SHANK2: variants seen among roughly 807,000 people sequenced by gnomAD.
SHANK2 encodes SH3 and multiple ankyrin repeat domains protein 2.
In SHANK2, 43 loss-of-function variants were observed where a neutral mutation model predicts 133.7. The observed-to-expected ratio is 0.32, with a 90% confidence interval of 0.25 to 0.41. The LOEUF (loss-of-function observed/expected upper bound fraction) is 0.41. Ranked by LOEUF, SHANK2 falls within the 10% of genes least tolerant of loss-of-function variation. The probability of loss-of-function intolerance (pLI) is 1.00; values close to 1 mark genes in which losing one functional copy is unlikely to be tolerated. For synonymous variants in SHANK2, 1,017 were observed against 952.8 expected (o/e 1.07, Z -1.24); for missense variants, 1,994 against 2,235.8 (o/e 0.89, Z 2.18).
intron 11 of SHANK2, chr11:70,895,272 G>A (rs1175252247): frequency 2.6e-5 from 4 of 152,650 alleles, no homozygotes; most frequent in East Asian, 1.9e-4. Context: ...GTAAAGCCTC[G>A]ACAGCCAAAC....
intron 17 of SHANK2, among the ~76,000 whole-genome samples, chr11:70,613,455 G>A (rs191923574): frequency 7.7e-4 from 117 of 152,176 alleles, no homozygotes; most frequent in African/African-American, 2.6e-3. Flanking sequence ...CGCCCACCTC[G>A]GCCTCCCAAA....
At chr11:70,819,114 C>T (rs1555055156) in intron 12 of SHANK2, among the ~76,000 whole-genome samples, 2 of 152,168 alleles carry the variant, frequency 1.3e-5, no homozygotes, top group Admixed American at 6.5e-5. Flanking sequence ...AGGATGGGGG[C>T]GAGGGTCAGG....
intron 10 of SHANK2, among the ~76,000 whole-genome samples, chr11:70,949,239 C>T (rs1448086498): frequency 1.3e-5 from 2 of 152,246 alleles, no homozygotes; most frequent in Non-Finnish European, 2.9e-5. Context: ...CTGCAAGAGC[C>T]TCAGTACCGC....
chr11:71,068,838 C>T (rs1041593229), intron 9 of SHANK2, among the ~76,000 whole-genome samples: 2 of 152,140 alleles, frequency 1.3e-5, no homozygotes, highest in Non-Finnish European at 2.9e-5. Context: ...TCATCAGCAC[C>T]ATCGCTGTCA....
rs1458761261 is a variant in SHANK2 at position 70,830,351 on chromosome 11, G to T, written c.1175-9669C>A. On this transcript the variant is annotated intron_variant, in intron 11 of 25. Coordinates refer to ENST00000601538, the MANE Select transcript of SHANK2 (RefSeq NM_012309.5). The surrounding 1 kb of genome is among the most constrained non-coding windows in gnomAD (Gnocchi z 4.4). ...CAAATGTTCCGTGTGAGTGTTTGGG[G>T]TCCGGGCCCTCCCAGAAATCCACAC... 6.6e-6 allele frequency among the ~76,000 whole-genome samples: 1 copy of T among 152,192 alleles called. No individual in the cohort carries two copies. The highest frequency in any genetic ancestry group is 2.4e-5 in the African/African-American group (1 of 41,434).
intron 2 of SHANK2, among the ~76,000 whole-genome samples, chr11:71,211,642 C>CAAA (rs35529960): frequency 5.1e-5 from 6 of 117,994 alleles, no homozygotes; most frequent in Non-Finnish European, 7.5e-5. Flanking sequence ...TGAGCATTTG[C>CAAA]AAAAAAAAAA....
At chr11:71,134,873 C>T (rs1952407951) in intron 3 of SHANK2, among the ~76,000 whole-genome samples, 1 of 152,030 alleles carries the variant, frequency 6.6e-6, no homozygotes, top group Non-Finnish European at 1.5e-5. Context: ...ACCTGGAGCC[C>T]CCATCTCTTC....
chr11:70,795,142 T>A (rs960474340), intron 14 of SHANK2, among the ~76,000 whole-genome samples: 1 of 152,100 alleles, frequency 6.6e-6, no homozygotes. Flanking sequence ...CAGAGATGCC[T>A]TCCTTCCCTG....
chr11:70,641,370 G>C (rs1330234481), intron 17 of SHANK2, among the ~76,000 whole-genome samples: 1 of 152,150 alleles, frequency 6.6e-6, no homozygotes, highest in Non-Finnish European at 1.5e-5. Flanking sequence ...TGGGATTACA[G>C]GCATAAGCCA....
intron 3 of SHANK2, among the ~76,000 whole-genome samples, chr11:71,141,205 A>G (rs1420917653): frequency 6.6e-6 from 1 of 152,164 alleles, no homozygotes; most frequent in Non-Finnish European, 1.5e-5. Flanking sequence ...TTATCCTTCA[A>G]CAAAGATGCT....
rs2058791097 is a variant in SHANK2, at chr11:70,485,611, G to C, written c.4682C>G (p.Ala1561Gly). The C allele has an allele frequency of 2.5e-6, 4 of 1,613,900 alleles. No individual in the cohort carries two copies. Among genetic ancestry groups the C allele is most frequent in the Non-Finnish European group, 3.4e-6 (4 of 1,180,048 alleles). ...KMKPIIHKSN[A>G]LYQDALVEED... The stretch of plus-strand genomic sequence containing the variant: ...TTCCACGAGCGCGTCTTGATAAAGT[G>C]CATTGCTTTTGTGAATGATGGGCTT... Residue 1561 changes from alanine (A) to glycine (G), a missense_variant, in exon 25 of 26, where the codon GCA (alanine) becomes GGA (glycine). Ala to Gly is a moderately conservative substitution (Grantham distance 60, BLOSUM62 0). Transcript: ENST00000601538. This position sits in a 1 kb window ranked among gnomAD's most constrained non-coding sequence, Gnocchi z 5.8.
At chr11:70,901,697 C>T (rs56748833) in intron 10 of SHANK2, among the ~76,000 whole-genome samples, 1 of 152,154 alleles carries the variant, frequency 6.6e-6, no homozygotes, top group Non-Finnish European at 1.5e-5. Flanking sequence ...CCCTTACCCC[C>T]ACAGGATGTA....
chr11:70,919,238 G>A (rs561199300), intron 10 of SHANK2, among the ~76,000 whole-genome samples: 298 of 152,246 alleles, frequency 2.0e-3, no homozygotes, highest in South Asian at 0.017. Flanking sequence ...TGATGAACAC[G>A]CACACCGCCT....
At chr11:70,643,446 C>T (rs1397037230) in intron 17 of SHANK2, among the ~76,000 whole-genome samples, 1 of 151,900 alleles carries the variant, frequency 6.6e-6, no homozygotes, top group Non-Finnish European at 1.5e-5. Flanking sequence ...TGCCTGTAGT[C>T]CCAGCTCCTC....
rs537939281 is a variant in SHANK2, at chr11:70,513,887, G to A, written c.2062-10956C>T. Among the ~76,000 whole-genome samples the A allele has an allele frequency of 5.9e-5, 9 of 152,148 alleles. No homozygotes were observed. In the South Asian group the frequency reaches 1.0e-3, roughly 18 times the overall value. ...TAAGGATCAAAAGGTCTAACATAAC[G>A]TGAACGAGAGTCTCAGAAGGGGGGA... is the stretch of plus-strand genomic sequence containing the variant. On this transcript the variant is annotated intron_variant, in intron 17 of 25. Transcript: ENST00000601538.
chr11:70,486,048 C>T lies in SHANK2; in HGVS notation c.4245G>A (p.Leu1415=). ...FIFTEPLPPP[L]EFANSFDIPD... is the part of the protein sequence containing the mutation. ...GGATATCAAAACTATTTGCAAATTCCAGGGGAGGAGGCAATGGCTCTGTAA... is the reference window on the plus strand; with the variant it reads ...GGATATCAAAACTATTTGCAAATTCTAGGGGAGGAGGCAATGGCTCTGTAA... Residue 1415 remains leucine, a synonymous_variant, in exon 25 of 26, where the codon CTG becomes CTA. Coordinates refer to ENST00000601538, the MANE Select transcript of SHANK2 (RefSeq NM_012309.5). The surrounding 1 kb of genome is among the most constrained non-coding windows in gnomAD (Gnocchi z 8.0). The T allele has an allele frequency of 6.2e-7, 1 of 1,613,992 alleles. No individual in the cohort carries two copies. Among genetic ancestry groups the T allele is most frequent in the Non-Finnish European group, 8.5e-7 (1 of 1,180,012 alleles).
chr11:70,547,954 A>G (rs1366077202), intron 17 of SHANK2, among the ~76,000 whole-genome samples: 1 of 152,226 alleles, frequency 6.6e-6, no homozygotes, highest in Non-Finnish European at 1.5e-5. Context: ...AGAACCGGAA[A>G]CATCCTGTCT....
intron 14 of SHANK2, among the ~76,000 whole-genome samples, chr11:70,749,604 A>G (rs1946714731): frequency 6.6e-6 from 1 of 152,244 alleles, no homozygotes; most frequent in South Asian, 2.1e-4. Context: ...CTAGGAGGCA[A>G]TGAGTTTAAT....
chr11:71,242,631 T>A (rs1239561644), intron 1 of SHANK2, among the ~76,000 whole-genome samples: 2 of 152,306 alleles, frequency 1.3e-5, no homozygotes, highest in East Asian at 3.9e-4. Flanking sequence ...ATTTATGATC[T>A]CCTTTAATTA....
Sources: gnomAD v4.1 joint callset for allele counts (sites outside exome capture counted in the v4.1 genomes callset) on GRCh38, gnomAD v4.1.1 for gene constraint, Gnocchi (gnomAD v3.1) non-coding constraint, MANE v1.5 for transcripts, NCBI Gene and HGNC (gene_info 2026-07-23, HGNC 2026-07-21) for gene names.